The following RIC3 variants were observed in gnomAD, a reference collection of about 807,000 sequenced individuals.
RIC3 encodes protein RIC-3.
Under a neutral mutation model 27.3 loss-of-function variants are expected in RIC3, and 28 were observed. The observed-to-expected ratio is 1.02, with a 90% CI of 0.76 to 1.41. The LOEUF is 1.41. Among genes scored for constraint, RIC3 ranks in the 40% most tolerant of loss-of-function variants. The pLI is 0.00. For synonymous variants in RIC3, 184 were observed against 160.4 expected, an observed-to-expected ratio of 1.15 and a Z score of -1.11; for missense variants, 501 against 444.7, an observed-to-expected ratio of 1.13 and a Z score of -1.14.
chr11:8,165,612 T>C (rs979802780), intron 1 of RIC3, among the ~76,000 whole-genome samples: 1 of 151,840 alleles, frequency 6.6e-6, no homozygotes, highest in Non-Finnish European at 1.5e-5. Context: ...TTGGTTGTAG[T>C]GATGGTTGTA....
At chr11:8,159,637 G>T (rs1177705384) in intron 1 of RIC3, among the ~76,000 whole-genome samples, 1 of 152,102 alleles carries the variant, frequency 6.6e-6, no homozygotes, top group African/African-American at 2.4e-5. Flanking sequence ...TACAGTGGTG[G>T]GACTCTAAAA....
intron 5 of RIC3, among the ~76,000 whole-genome samples, chr11:8,118,186 G>A (rs978330493): frequency 7.0e-6 from 1 of 143,158 alleles, no homozygotes. Flanking sequence ...CCCTGCCACT[G>A]CACTCAAGCC....
chr11:8,128,312 T>TTAA (rs1947233909), intron 4 of RIC3: 1 of 456,466 alleles, frequency 2.2e-6, no homozygotes, highest in Non-Finnish European at 4.4e-6. Context: ...TGAAACAGTC[T>TTAA]TAATTCTGTT....
intron 1 of RIC3, among the ~76,000 whole-genome samples, chr11:8,142,042 T>C (rs1255502802): frequency 1.3e-5 from 2 of 149,184 alleles, no homozygotes; most frequent in African/African-American, 5.0e-5. Context: ...TAGAGGGAAA[T>C]TTATAGCACT....
the RIC3 span, chr11:8,095,508 G>T: frequency 3.7e-6 from 6 of 1,610,036 alleles, no homozygotes; most frequent in Non-Finnish European, 5.1e-6. Flanking sequence ...GCACCAGCGG[G>T]CCAGCAGCAC....
the RIC3 span, chr11:8,097,349 C>T: frequency 5.0e-6 from 8 of 1,614,074 alleles, no homozygotes; most frequent in East Asian, 2.2e-5. Flanking sequence ...TGCCGCATCA[C>T]TCGGGACAAG....
chr11:8,130,734 A>C (rs1947587980), intron 4 of RIC3, among the ~76,000 whole-genome samples: 1 of 149,996 alleles, frequency 6.7e-6, no homozygotes, highest in Non-Finnish European at 1.5e-5. Flanking sequence ...TTTCTCCTCA[A>C]AAGCCTTCAG....
intron 1 of RIC3, among the ~76,000 whole-genome samples, chr11:8,155,655 A>G (rs1195017888): frequency 6.6e-6 from 1 of 152,212 alleles, no homozygotes; most frequent in Non-Finnish European, 1.5e-5. Flanking sequence ...GCTAAAAACA[A>G]AAACAGAAAC....
At chr11:8,101,843 T>TTA, downstream of RIC3, 1 of 464,590 alleles carries the variant, frequency 2.2e-6, no homozygotes, top group Non-Finnish European at 3.3e-6. Flanking sequence ...GGGATGAGAA[T>TTA]AATTCTTTCC....
intron 1 of RIC3, among the ~76,000 whole-genome samples, chr11:8,153,173 C>CA (rs959411694): frequency 6.6e-6 from 1 of 151,984 alleles, no homozygotes; most frequent in Non-Finnish European, 1.5e-5. Flanking sequence ...GACTAGATAG[C>CA]AAAAAATATG....
At chr11:8,121,645 G>C (rs941312454) in intron 5 of RIC3, among the ~76,000 whole-genome samples, 1 of 152,048 alleles carries the variant, frequency 6.6e-6, no homozygotes, top group African/African-American at 2.4e-5. Flanking sequence ...GAACCCAGGA[G>C]GCAGAGGTTG....
intron 5 of RIC3, among the ~76,000 whole-genome samples, chr11:8,114,443 A>T (rs1366243325): frequency 6.6e-6 from 1 of 152,070 alleles, no homozygotes; most frequent in African/African-American, 2.4e-5. Context: ...TATCTCTACT[A>T]AAAATACAAA....
chr11:8,144,026 A>G (rs897072594), intron 1 of RIC3, among the ~76,000 whole-genome samples: 18 of 152,332 alleles, frequency 1.2e-4, no homozygotes, highest in African/African-American at 3.8e-4. Context: ...ACAAAAATCA[A>G]TTCAAGATGG....
At position 8,111,156 on chromosome 11, in the gene RIC3, C is replaced by G. The variant is rs187507815; in HGVS notation, c.671-19G>C. ...GGGTAACCTAGAGAGAAAAGTAGCA[C>G]AAAGTATTACAAAGAATGTCTCCTC... On this transcript the variant is annotated intron_variant, in intron 5 of 5. Transcript: ENST00000309737. The G allele has an allele frequency of 4.1e-6, 6 of 1,447,534 alleles. No individual in the cohort carries two copies. The East Asian group carries it at 1.4e-4, about 33-fold the overall frequency. 89.7% of individuals were successfully genotyped at this position (1,447,534 alleles called of 1,614,324 possible).
chr11:8,153,312 A>T, intron 1 of RIC3: 1 of 382,030 alleles, frequency 2.6e-6, no homozygotes, highest in Non-Finnish European at 5.1e-6. Context: ...ATAGAACAGA[A>T]TCTCTGTCTT....
chr11:8,100,534 G>A, the RIC3 span: 16 of 1,613,984 alleles, frequency 9.9e-6, no homozygotes, highest in African/African-American at 2.7e-5. Context: ...AAGGGGCCTC[G>A]GAAGATGAGC....
At chr11:8,096,969 G>GGT in the RIC3 span, among the ~76,000 whole-genome samples, 13 of 152,120 alleles carry the variant, frequency 8.5e-5, no homozygotes, top group Non-Finnish European at 1.5e-4. Context: ...AGGCCAGCAG[G>GGT]GTGATGTATG....
chr11:8,146,619 T>G (rs957015120), intron 1 of RIC3, among the ~76,000 whole-genome samples: 2 of 152,026 alleles, frequency 1.3e-5, no homozygotes, highest in African/African-American at 4.8e-5. Flanking sequence ...TGAGAACACG[T>G]ACCCAAGGCG....
At chr11:8,145,004 G>A (rs1230569625) in intron 1 of RIC3, among the ~76,000 whole-genome samples, 1 of 118,432 alleles carries the variant, frequency 8.4e-6, no homozygotes, top group African/African-American at 3.3e-5. Flanking sequence ...CACAGGAAGG[G>A]GAATATCACA....
Sources: allele counts gnomAD v4.1 joint callset (sites outside exome capture counted in the v4.1 genomes callset), GRCh38; gene constraint gnomAD v4.1.1; transcripts MANE v1.5; gene names NCBI Gene and HGNC (gene_info 2026-07-23, HGNC 2026-07-21).